LGR4: variants seen among roughly 807,000 people sequenced by gnomAD.
LGR4 encodes the protein leucine-rich repeat-containing G protein-coupled receptor 4.
LGR4 carries 44 observed loss-of-function variants against 84.8 expected under a neutral mutation model. The observed-to-expected ratio is 0.52, with a 90% CI of 0.41 to 0.67. The LOEUF is 0.67. LGR4 is among the 30% of genes least tolerant of loss of function. The pLI is 0.00. For missense variants in LGR4, 1,032 were observed against 1,131.4 expected (o/e 0.91, Z 1.26); for synonymous variants, 429 against 434.3 (o/e 0.99, Z 0.15).
intron 1 of LGR4, among the ~76,000 whole-genome samples, chr11:27,436,114 T>C (rs1400546288): frequency 6.6e-6 from 1 of 151,954 alleles, no homozygotes; most frequent in African/African-American, 2.4e-5. Flanking sequence ...GGTTTCACCG[T>C]GTTAGCCAGG....
At chr11:27,432,748 T>C (rs2133422726) in intron 1 of LGR4, among the ~76,000 whole-genome samples, 1 of 152,262 alleles carries the variant, frequency 6.6e-6, no homozygotes, top group South Asian at 2.1e-4. Context: ...AAATTGAGAT[T>C]CTCCATCAGT....
Position 27,369,105 on chromosome 11 carries a change from T to C in LGR4, c.1618A>G (p.Met540Val), listed in dbSNP as rs778459302. ...ATGAACCACACAGTAAGACGAATCATCCAGCTTCCCAGTAAATATTCACAG... is the reference window on the plus strand; with the variant it reads ...ATGAACCACACAGTAAGACGAATCACCCAGCTTCCCAGTAAATATTCACAG... The part of the protein sequence containing the change: ...KPCEYLLGSW[M>V]IRLTVWFIFL... The change falls in exon 18 of 18, where the codon ATG becomes GTG. Residue 540 changes from methionine to valine, a missense_variant. Transcript: ENST00000379214. 6.0e-5 allele frequency: 96 copies of C among 1,610,332 alleles called. No individual in the cohort carries two copies. Among genetic ancestry groups the C allele is most frequent in the Non-Finnish European group, 7.6e-5 (90 of 1,178,802 alleles).
chr11:27,387,544 C>T (rs1226423533), intron 4 of LGR4, among the ~76,000 whole-genome samples: 2 of 151,990 alleles, frequency 1.3e-5, no homozygotes, highest in Non-Finnish European at 2.9e-5. Flanking sequence ...ACGTCAGAGA[C>T]CCAGTAGCAG....
intron 1 of LGR4, among the ~76,000 whole-genome samples, chr11:27,413,585 C>G (rs1338027382): frequency 6.6e-6 from 1 of 152,178 alleles, no homozygotes; most frequent in Non-Finnish European, 1.5e-5. Flanking sequence ...CACTTGACAT[C>G]AGCACCATGA....
At chr11:27,448,799 A>C (rs1190592663) in intron 1 of LGR4, among the ~76,000 whole-genome samples, 1 of 152,234 alleles carries the variant, frequency 6.6e-6, no homozygotes, top group Non-Finnish European at 1.5e-5. Context: ...ACTAACAAAA[A>C]TGAGCTCCTT....
chr11:27,414,185 A>G (rs1863766885), intron 1 of LGR4, among the ~76,000 whole-genome samples: 3 of 152,118 alleles, frequency 2.0e-5, no homozygotes, highest in Admixed American at 1.3e-4. Flanking sequence ...AACAGAAAAC[A>G]CCAGAGCCCA....
intron 1 of LGR4, among the ~76,000 whole-genome samples, chr11:27,452,390 T>C (rs1231362469): frequency 6.6e-6 from 1 of 152,138 alleles, no homozygotes; most frequent in Non-Finnish European, 1.5e-5. Flanking sequence ...GAAATTTACT[T>C]TGATGCAACA....
chr11:27,389,716 T>A (rs924580423), intron 4 of LGR4, among the ~76,000 whole-genome samples: 3 of 152,146 alleles, frequency 2.0e-5, no homozygotes, highest in African/African-American at 4.8e-5. Context: ...AAAACATGAC[T>A]ATTTAAAATG....
chr11:27,396,211 G>A (rs189739647), intron 2 of LGR4, among the ~76,000 whole-genome samples: 1 of 152,278 alleles, frequency 6.6e-6, no homozygotes, highest in East Asian at 1.9e-4. Context: ...GATGCCTCTG[G>A]TAGTCACCAA....
chr11:27,445,857 A>C (rs1864379996), intron 1 of LGR4, among the ~76,000 whole-genome samples: 1 of 150,728 alleles, frequency 6.6e-6, no homozygotes, highest in African/African-American at 2.4e-5. Flanking sequence ...AGGCTGGGCA[A>C]CAGAGTGAGA....
At chr11:27,470,531 C>A (rs1864851688) in intron 1 of LGR4, among the ~76,000 whole-genome samples, 2 of 152,090 alleles carry the variant, frequency 1.3e-5, no homozygotes, top group South Asian at 4.1e-4. Context: ...TGCACGAATT[C>A]CCTAAACGTT....
At chr11:27,402,567 C>T (rs1161834624) in intron 2 of LGR4, among the ~76,000 whole-genome samples, 1 of 152,068 alleles carries the variant, frequency 6.6e-6, no homozygotes, top group Non-Finnish European at 1.5e-5. Flanking sequence ...GCCAAAAGCA[C>T]CTTAACTGCC....
chr11:27,428,290 C>A (rs1864058492), intron 1 of LGR4, among the ~76,000 whole-genome samples: 1 of 152,120 alleles, frequency 6.6e-6, no homozygotes, highest in African/African-American at 2.4e-5. Context: ...GCATCCACCA[C>A]CACGTCTGGC....
rs757757916 is a variant in LGR4, at chr11:27,367,975, G to A, written c.2748C>T (p.Val916=). The part of the protein sequence containing the change: ...SDYADEEDSF[V]SDSSDQVQAC... ...CCTGCACCTGGTCAGAACTGTCTGA[G>A]ACAAAGGAATCTTCTTCATCTGCAT... Residue 916 remains valine, a synonymous_variant, in exon 18 of 18, where the codon GTC becomes GTT. Transcript: ENST00000379214. The A allele has an allele frequency of 6.2e-7, 1 of 1,614,112 alleles. No individual in the cohort carries two copies. Among genetic ancestry groups the A allele is most frequent in the South Asian group, 1.1e-5 (1 of 91,070 alleles).
chr11:27,459,331 G>C (rs971476687), intron 1 of LGR4, among the ~76,000 whole-genome samples: 3 of 152,130 alleles, frequency 2.0e-5, no homozygotes, highest in African/African-American at 7.2e-5. Context: ...GTAACTTGAG[G>C]GTTGGGAAGG....
intron 1 of LGR4, among the ~76,000 whole-genome samples, chr11:27,453,362 C>G (rs567034759): frequency 7.9e-5 from 12 of 152,286 alleles, no homozygotes; most frequent in African/African-American, 2.9e-4. Context: ...CCACCACGCC[C>G]GGCCAAGAGG....
chr11:27,426,360 C>T (rs1848434371), intron 1 of LGR4, among the ~76,000 whole-genome samples: 1 of 152,142 alleles, frequency 6.6e-6, no homozygotes, highest in African/African-American at 2.4e-5. Flanking sequence ...TTAAAAATAG[C>T]TTGGGAGGAA....
intron 1 of LGR4, among the ~76,000 whole-genome samples, chr11:27,462,102 G>A (rs1864695075): frequency 6.6e-6 from 1 of 151,936 alleles, no homozygotes; most frequent in African/African-American, 2.4e-5. Flanking sequence ...CAAAGTGCTG[G>A]GATTACAAGC....
intron 3 of LGR4, among the ~76,000 whole-genome samples, chr11:27,392,241 C>T (rs1485647562): frequency 6.6e-6 from 1 of 151,794 alleles, no homozygotes; most frequent in African/African-American, 2.4e-5. Flanking sequence ...GGTCAGAATA[C>T]GTATTATTTA....
Sources: allele counts gnomAD v4.1 joint callset (sites outside exome capture counted in the v4.1 genomes callset), GRCh38; gene constraint gnomAD v4.1.1; transcripts MANE v1.5; gene names NCBI Gene and HGNC (gene_info 2026-07-23, HGNC 2026-07-21).